The following SHC4 variants were observed in gnomAD, a reference collection of about 807,000 sequenced individuals.
SHC4 encodes the protein SHC-transforming protein 4.
SHC4 carries 41 observed loss-of-function variants against 69.4 expected under a neutral mutation model. The observed-to-expected ratio is 0.59, with a 90% CI of 0.46 to 0.77. The LOEUF is 0.77. Among genes scored for constraint, SHC4 ranks in the 30% least tolerant of loss-of-function variants. The pLI, the probability that SHC4 is intolerant of heterozygous loss-of-function variation, is 0.00. For missense variants in SHC4, 777 were observed against 783.8 expected (o/e 0.99, Z 0.10); for synonymous variants, 318 against 299.3 (o/e 1.06, Z -0.64).
At chr15:48,941,541 T>G (rs1160766992) in intron 1 of SHC4, among the ~76,000 whole-genome samples, 1 of 152,070 alleles carries the variant, frequency 6.6e-6, no homozygotes, top group African/African-American at 2.4e-5. Flanking sequence ...ATAGAAAGTT[T>G]GACAGTAACA....
chr15:48,899,479 A>T (rs1246444062), intron 2 of SHC4, among the ~76,000 whole-genome samples: 1 of 152,202 alleles, frequency 6.6e-6, no homozygotes, highest in Non-Finnish European at 1.5e-5. Context: ...AAATAAATAA[A>T]TGAATAAATA....
At chr15:48,958,781 C>T (rs1255158876) in intron 1 of SHC4, among the ~76,000 whole-genome samples, 5 of 152,160 alleles carry the variant, frequency 3.3e-5, no homozygotes, top group Non-Finnish European at 7.3e-5. Flanking sequence ...TTGGAAAGGC[C>T]TCTAAAGAAA....
At chr15:48,945,830 A>G (rs1457614574) in intron 1 of SHC4, 1 of 152,226 alleles carries the variant, frequency 6.6e-6, no homozygotes, top group Non-Finnish European at 1.5e-5. Flanking sequence ...AAACAATTGA[A>G]TTGTACACTT....
chr15:48,901,455 G>C (rs1053289867), intron 2 of SHC4, among the ~76,000 whole-genome samples: 1 of 152,138 alleles, frequency 6.6e-6, no homozygotes, highest in African/African-American at 2.4e-5. Flanking sequence ...CTCCCTTTAC[G>C]CTGTAAATTA....
At chr15:48,952,502 C>G (rs1417465786) in intron 1 of SHC4, among the ~76,000 whole-genome samples, 1 of 152,154 alleles carries the variant, frequency 6.6e-6, no homozygotes, top group South Asian at 2.1e-4. Context: ...AGACAACCTA[C>G]AGAATGGGAG....
intron 10 of SHC4, among the ~76,000 whole-genome samples, chr15:48,837,377 T>C (rs1195511989): frequency 3.3e-5 from 5 of 152,184 alleles, no homozygotes; most frequent in African/African-American, 1.2e-4. Flanking sequence ...TTTTAAAAGT[T>C]ACACATACTA....
intron 10 of SHC4, among the ~76,000 whole-genome samples, chr15:48,839,703 G>A (rs1309597847): frequency 6.6e-6 from 1 of 152,210 alleles, no homozygotes; most frequent in African/African-American, 2.4e-5. Flanking sequence ...TTTGGGGTAT[G>A]GAGGGTGGCA....
At chr15:48,902,136 A>C (rs1595750955) in intron 2 of SHC4, among the ~76,000 whole-genome samples, 1 of 151,694 alleles carries the variant, frequency 6.6e-6, no homozygotes, top group Non-Finnish European at 1.5e-5. Context: ...CCGGGAGGTT[A>C]AGGCTGCAAT....
At chr15:48,937,471 G>T (rs1001466480) in intron 1 of SHC4, among the ~76,000 whole-genome samples, 2 of 152,106 alleles carry the variant, frequency 1.3e-5, no homozygotes, top group African/African-American at 4.8e-5. Context: ...GATGTTTAAA[G>T]CTGCTGTTCC....
intron 11 of SHC4, among the ~76,000 whole-genome samples, chr15:48,828,113 G>GTA (rs749974707): frequency 2.0e-5 from 2 of 100,596 alleles, no homozygotes; most frequent in African/African-American, 6.5e-5. Context: ...GTGTGTGTGT[G>GTA]TGTATATATA....
At chr15:48,873,598 G>A (rs1206931151) in intron 4 of SHC4, among the ~76,000 whole-genome samples, 1 of 152,072 alleles carries the variant, frequency 6.6e-6, no homozygotes, top group Non-Finnish European at 1.5e-5. Context: ...CAAAAAATTA[G>A]CTGGGCGTGG....
At chr15:48,848,830 A>T (rs1019055074) in intron 9 of SHC4, among the ~76,000 whole-genome samples, 1 of 151,830 alleles carries the variant, frequency 6.6e-6, no homozygotes, top group Non-Finnish European at 1.5e-5. Flanking sequence ...TGTTTTAAGA[A>T]TTTTTTTTTA....
chr15:48,915,256 G>C (rs1722873880), intron 2 of SHC4, among the ~76,000 whole-genome samples: 3 of 152,182 alleles, frequency 2.0e-5, no homozygotes, highest in South Asian at 2.1e-4. Context: ...GCTAATGACA[G>C]AGCAAAAAGG....
In SHC4 at chr15:48,856,004, G is replaced by T; in HGVS notation, c.1191C>A (p.Ala397=). The change falls in exon 8 of 12, where the codon GCC becomes GCA. Residue 397 remains alanine, a synonymous_variant. Transcript: ENST00000332408. ...TGGGGCAGTAAGCCATTTGTTCCGT[G>T]GCTTGAACTTTGATCCGCATATCTG... ...GVSDMRIKVQ[A]TEQMAYCPIQ... is the part of the protein sequence containing the mutation. 1 of 1,613,834 alleles carries T rather than the reference G, an allele frequency of 6.2e-7. No homozygotes were observed.
At chr15:48,850,488 T>C (rs1292813654) in intron 9 of SHC4, among the ~76,000 whole-genome samples, 5 of 152,216 alleles carry the variant, frequency 3.3e-5, no homozygotes, top group Non-Finnish European at 7.3e-5. Flanking sequence ...TCCATCTGTA[T>C]TCTCCACTGC....
chr15:48,893,109 G>T (rs1018112983), intron 2 of SHC4, among the ~76,000 whole-genome samples: 4 of 152,060 alleles, frequency 2.6e-5, no homozygotes, highest in African/African-American at 9.7e-5. Context: ...CTAACAAAAA[G>T]TAATGCAGTG....
chr15:48,864,168 A>T (rs1899508323), intron 6 of SHC4, among the ~76,000 whole-genome samples: 1 of 152,186 alleles, frequency 6.6e-6, no homozygotes. Flanking sequence ...TTTACTGCCT[A>T]GGTGCTATAA....
chr15:48,835,047 C>T (rs1347385135), intron 10 of SHC4, 25 bp from the exon 11 acceptor site: 2 of 1,589,698 alleles, frequency 1.3e-6, no homozygotes, highest in Admixed American at 3.5e-5. Context: ...CAAAGAGAGA[C>T]ATCATCGAGT....
chr15:48,959,987 T>A (rs1365469301), intron 1 of SHC4, among the ~76,000 whole-genome samples: 1 of 152,238 alleles, frequency 6.6e-6, no homozygotes, highest in African/African-American at 2.4e-5. Context: ...GTCTTCCGTC[T>A]TTCAAAGTTA....
Sources: allele counts gnomAD v4.1 joint callset (sites outside exome capture counted in the v4.1 genomes callset), GRCh38; gene constraint gnomAD v4.1.1; transcripts MANE v1.5; gene names NCBI Gene and HGNC (gene_info 2026-07-23, HGNC 2026-07-21).